The following THSD7A variants were observed in gnomAD, a reference collection of about 807,000 sequenced individuals.
The protein encoded by THSD7A is thrombospondin type-1 domain-containing protein 7A.
A neutral mutation model predicts 231.3 loss-of-function variants in THSD7A; 96 were observed. The ratio of observed to expected loss-of-function variants is 0.41; its 90% CI spans 0.35 to 0.49. The LOEUF (loss-of-function observed/expected upper bound fraction) is 0.49, where lower values mean the gene tolerates loss of function less well. Ranked by LOEUF, THSD7A falls within the 20% of genes least tolerant of loss-of-function variation. THSD7A has a pLI of 0.05. For synonymous variants in THSD7A, 940 were observed against 743.3 expected (o/e 1.26, Z -4.30); for missense variants, 2,290 against 2,070.2 (o/e 1.11, Z -2.06).
At chr7:11,610,280 C>T (rs550781201) in intron 2 of THSD7A, among the ~76,000 whole-genome samples, 1 of 152,208 alleles carries the variant, frequency 6.6e-6, no homozygotes, top group South Asian at 2.1e-4. Flanking sequence ...CCCTATCAGA[C>T]TTTCACTCCC....
chr7:11,712,854 G>C (rs571955277), intron 1 of THSD7A, among the ~76,000 whole-genome samples: 101 of 151,086 alleles, frequency 6.7e-4, no homozygotes, highest in African/African-American at 2.3e-3. Flanking sequence ...TAAAATGTAA[G>C]TCAAAGAAAA....
At chr7:11,424,959 T>G in intron 15 of THSD7A, 130 bp from the exon 16 acceptor site, 1 of 1,130,914 alleles carries the variant, frequency 8.8e-7, no homozygotes, top group Non-Finnish European at 1.3e-6. Context: ...CTTATTATTC[T>G]AACATTGCAA....
intron 2 of THSD7A, among the ~76,000 whole-genome samples, chr7:11,614,296 T>C (rs1781033373): frequency 6.6e-6 from 1 of 152,174 alleles, no homozygotes. Flanking sequence ...TAGGAGACAA[T>C]ACTTCCCGTA....
Position 11,587,882 on chromosome 7 carries a change from T to C in THSD7A, c.1453+2578A>G, listed in dbSNP as rs1779979308. On this transcript the variant is annotated intron_variant, in intron 4 of 27. Transcript: ENST00000423059. ...TATTTTTTTGTACTAATACACTTTA[T>C]TTTTGAGTTAAAGTATTTTGTTTTG... Among the ~76,000 whole-genome samples the C allele has an allele frequency of 2.6e-5, 4 of 152,172 alleles. No homozygotes were observed. In the South Asian group the frequency reaches 8.3e-4, roughly 31 times the overall value.
intron 1 of THSD7A, among the ~76,000 whole-genome samples, chr7:11,715,197 T>C (rs760114020): frequency 6.6e-6 from 1 of 151,564 alleles, no homozygotes; most frequent in African/African-American, 2.4e-5. Context: ...AAAAATCATA[T>C]TGTTTTCCTC....
rs546946999 is a variant in THSD7A, at chr7:11,412,974, G to A, written c.3538-174C>T. Among the ~76,000 whole-genome samples, 11 of 152,228 alleles carry A rather than the reference G, an allele frequency of 7.2e-5. 1 individual carries two copies. The South Asian group carries it at 2.1e-3, about 29-fold the overall frequency. ...AATGTATAAAATGAAGGTGTTGAAT[G>A]AGATTTTGATGTACCATCTAGCTAT... On this transcript the variant is annotated intron_variant, in intron 17 of 27. Coordinates refer to ENST00000423059, the MANE Select transcript of THSD7A (RefSeq NM_015204.3).
At position 11,411,131 on chromosome 7, in the gene THSD7A, G is replaced by A; in HGVS notation, c.3798+76C>T. ...CTGGCAATGAGCTGCATGGAGCACG[G>A]GTCACTTGGCTCAGCATGAATTGAA... On this transcript the variant is annotated intron_variant, in intron 19 of 27. Transcript: ENST00000423059. The surrounding 1 kb of genome is among the most constrained non-coding windows in gnomAD (Gnocchi z 4.1). 4.6e-6 allele frequency: 5 copies of A among 1,095,900 alleles called. No individual in the cohort carries two copies. Among genetic ancestry groups the A allele is most frequent in the Non-Finnish European group, 6.8e-6 (5 of 733,688 alleles). The allele number at this position is 1,095,900 out of a possible 1,614,324, so 67.9% of individuals were successfully genotyped here. A position where few individuals can be genotyped will look rare whatever the true frequency, so the allele number is the denominator to read the frequency against.
chr7:11,813,228 A>G (rs1313570214), intron 1 of THSD7A, among the ~76,000 whole-genome samples: 2 of 152,210 alleles, frequency 1.3e-5, no homozygotes, highest in African/African-American at 2.4e-5. Context: ...TTGGCATCCT[A>G]CTAAGTGTGT....
At chr7:11,560,635 C>G (rs941266054) in intron 4 of THSD7A, among the ~76,000 whole-genome samples, 1 of 152,066 alleles carries the variant, frequency 6.6e-6, no homozygotes, top group African/African-American at 2.4e-5. Context: ...TTATAGCATG[C>G]AACCCATGCA....
At chr7:11,702,180 T>G (rs1338200339) in intron 1 of THSD7A, among the ~76,000 whole-genome samples, 1 of 151,166 alleles carries the variant, frequency 6.6e-6, no homozygotes, top group Non-Finnish European at 1.5e-5. Flanking sequence ...CAGCACCCAT[T>G]TATTAGTTCA....
Position 11,406,159 on chromosome 7 carries a change from T to TA in THSD7A, c.4237+140dup. The TA allele has an allele frequency of 3.6e-6, 3 of 831,222 alleles. No homozygotes were observed. Among genetic ancestry groups the TA allele is most frequent in the Non-Finnish European group, 5.4e-6 (3 of 560,346 alleles). 51.5% of individuals were successfully genotyped at this position (831,222 alleles called of 1,614,324 possible). ...GACAGCGTCCCGTTCCCCACAGGCATAGTGTTGAGCTGTTGGCATAGATAT... is the reference window on the plus strand; with the variant it reads ...GACAGCGTCCCGTTCCCCACAGGCATAAGTGTTGAGCTGTTGGCATAGATAT... On this transcript the variant is annotated intron_variant, in intron 22 of 27. Transcript: ENST00000423059. This position sits in a 1 kb window ranked among gnomAD's most constrained non-coding sequence, Gnocchi z 4.7.
At chr7:11,440,865 T>C (rs377333575) in intron 13 of THSD7A, among the ~76,000 whole-genome samples, 38 of 152,144 alleles carry the variant, frequency 2.5e-4, no homozygotes, top group African/African-American at 8.4e-4. Context: ...AGTAGTAGGG[T>C]TTGAGAGGAT....
intron 6 of THSD7A, among the ~76,000 whole-genome samples, chr7:11,501,791 A>G (rs1787346619): frequency 6.6e-6 from 1 of 152,220 alleles, no homozygotes; most frequent in South Asian, 2.1e-4. Flanking sequence ...TCAGAGCTGA[A>G]CTGGAGGAAA....
intron 1 of THSD7A, among the ~76,000 whole-genome samples, chr7:11,669,544 TG>T (rs1478730514): frequency 6.6e-6 from 1 of 151,994 alleles, no homozygotes; most frequent in Non-Finnish European, 1.5e-5. Flanking sequence ...CAACATTGTT[TG>T]GGGAATTAGA....
At chr7:11,697,460 T>G (rs1240301616) in intron 1 of THSD7A, among the ~76,000 whole-genome samples, 2 of 151,364 alleles carry the variant, frequency 1.3e-5, no homozygotes, top group Admixed American at 6.6e-5. Flanking sequence ...ATACACAATT[T>G]TATGTGCTAC....
intron 1 of THSD7A, among the ~76,000 whole-genome samples, chr7:11,812,390 A>G (rs1314408050): frequency 1.3e-5 from 2 of 152,210 alleles, no homozygotes; most frequent in Non-Finnish European, 2.9e-5. Flanking sequence ...ATGCTTTTAA[A>G]TAAGATACAT....
At chr7:11,601,208 T>C (rs1478742562) in intron 2 of THSD7A, among the ~76,000 whole-genome samples, 2 of 152,188 alleles carry the variant, frequency 1.3e-5, no homozygotes, top group Middle Eastern at 3.2e-3. Flanking sequence ...TTATCCTCTT[T>C]TTCATACTTA....
At chr7:11,378,269 T>C (rs6460812) in intron 26 of THSD7A, 61,141 of 152,000 alleles carry the variant, frequency 0.4, 13,423 homozygotes, top group African/African-American at 0.57. Flanking sequence ...CTAGTAGTTC[T>C]TCCAGGTTGT....
chr7:11,430,464 TATTTC>T (rs1322964286), intron 13 of THSD7A, among the ~76,000 whole-genome samples: 1 of 152,114 alleles, frequency 6.6e-6, no homozygotes, highest in Non-Finnish European at 1.5e-5. Context: ...TATGTGATCT[TATTTC>T]TTTTTTGTTT....
Sources: gnomAD v4.1 joint callset for allele counts (sites outside exome capture counted in the v4.1 genomes callset) on GRCh38, gnomAD v4.1.1 for gene constraint, Gnocchi (gnomAD v3.1) non-coding constraint, MANE v1.5 for transcripts, NCBI Gene and HGNC (gene_info 2026-07-23, HGNC 2026-07-21) for gene names.